Variants in TRAM1 observed in about 807,000 individuals in gnomAD.
The protein encoded by TRAM1 is translocation associated membrane protein 1.
In TRAM1, 17 loss-of-function variants were observed where a neutral mutation model predicts 48.7. The ratio of observed to expected loss-of-function variants is 0.35; its 90% confidence interval spans 0.24 to 0.52. The LOEUF (loss-of-function observed/expected upper bound fraction) is 0.52. Among genes scored for constraint, TRAM1 ranks in the 20% least tolerant of loss-of-function variants. The pLI, the probability that TRAM1 is intolerant of heterozygous loss-of-function variation, is 0.94. For synonymous variants in TRAM1, 182 were observed against 154.0 expected (o/e 1.18, Z -1.34); for missense variants, 351 against 441.5 (o/e 0.79, Z 1.84).
At chr8:70,583,603 A>G in intron 9 of TRAM1, 47 bp downstream of exon 9, 2 of 1,581,942 alleles carry the variant, frequency 1.3e-6, no homozygotes, top group Non-Finnish European at 1.7e-6. Context: ...CTGATAATAT[A>G]TATTATCTAG....
At chr8:70,584,769 G>T (rs1237976888) in intron 8 of TRAM1, among the ~76,000 whole-genome samples, 2 of 151,978 alleles carry the variant, frequency 1.3e-5, no homozygotes, top group Non-Finnish European at 2.9e-5. Flanking sequence ...ACTGCTCAAT[G>T]AAATAAAAGA....
At chr8:70,598,283 C>T (rs1817534185) in intron 2 of TRAM1, 28 bp from the exon 3 acceptor site, 1 of 1,579,268 alleles carries the variant, frequency 6.3e-7, no homozygotes, top group Non-Finnish European at 8.6e-7. Context: ...CACAAATACA[C>T]AAAAATATAC....
intron 6 of TRAM1, among the ~76,000 whole-genome samples, 194 bp downstream of exon 6, chr8:70,594,312 T>G (rs1353765452): frequency 6.7e-6 from 1 of 148,568 alleles, no homozygotes; most frequent in Non-Finnish European, 1.5e-5. Context: ...AAGGTTTTTT[T>G]TTTTTTTTTT....
intron 1 of TRAM1, among the ~76,000 whole-genome samples, chr8:70,601,881 C>G (rs961477612): frequency 2.6e-5 from 4 of 152,150 alleles, no homozygotes; most frequent in African/African-American, 9.7e-5. Flanking sequence ...TAGGGAGAAC[C>G]TAGCTTAAAT....
chr8:70,583,890 G>A (rs1386109629), intron 8 of TRAM1, 97 bp from the exon 9 acceptor site: 6 of 1,366,526 alleles, frequency 4.4e-6, no homozygotes, highest in Non-Finnish European at 5.8e-6. Flanking sequence ...GCAGACGCCT[G>A]TAATCCCAGC....
intron 10 of TRAM1, among the ~76,000 whole-genome samples, chr8:70,577,116 C>T (rs1816972457): frequency 6.6e-6 from 1 of 152,152 alleles, no homozygotes. Flanking sequence ...TCCAAAGTTC[C>T]CAAGGCAGCT....
rs1817802426 is a variant in TRAM1, at chr8:70,608,341, C to G, written c.-142G>C. 1 of 1,117,672 alleles carries G rather than the reference C, an allele frequency of 8.9e-7. No homozygotes were observed. The highest frequency in any genetic ancestry group is 1.2e-6 in the Non-Finnish European group (1 of 833,726). 69.2% of individuals were successfully genotyped at this position (1,117,672 alleles called of 1,614,324 possible). A position where few individuals can be genotyped will look rare whatever the true frequency, so the allele number is the denominator to read the frequency against. ...CGCTGGGGCTTCACTTCCCATCCCA[C>G]AGCCAGTACGCAGCCGCCGGGCCGC... On this transcript the variant is annotated 5_prime_UTR_variant, in exon 1 of 11. Transcript: ENST00000262213.
chr8:70,605,166 C>A (rs268599), intron 1 of TRAM1, among the ~76,000 whole-genome samples: 100,776 of 152,062 alleles, frequency 0.66, 34,886 homozygotes, highest in Middle Eastern at 0.76. Flanking sequence ...CTTTCTATTT[C>A]CCAATTTTGG....
intron 6 of TRAM1, among the ~76,000 whole-genome samples, chr8:70,588,834 T>G (rs763820421): frequency 9.2e-5 from 14 of 152,236 alleles, no homozygotes; most frequent in Non-Finnish European, 1.6e-4. Context: ...TTTCTTCGTA[T>G]GTATATTTAC....
At position 70,574,697 on chromosome 8, in the gene TRAM1, T is replaced by C; in HGVS notation, c.*235A>G. 2.8e-6 allele frequency: 1 copy of C among 363,240 alleles called. No homozygotes were observed. The highest frequency in any genetic ancestry group is 4.9e-6 in the Non-Finnish European group (1 of 204,856). The allele number at this position is 363,240 out of a possible 1,614,324, so 22.5% of individuals were successfully genotyped here. A position where few individuals can be genotyped will look rare whatever the true frequency, so the allele number is the denominator to read the frequency against. Reference sequence around the variant, plus strand: ...AAAATAAAAACAAAATAAAATATGGTGGTGGTCCCTAAACTATTTTGAAGG... The same window carrying C: ...AAAATAAAAACAAAATAAAATATGGCGGTGGTCCCTAAACTATTTTGAAGG... On this transcript the variant is annotated 3_prime_UTR_variant, in exon 11 of 11. Coordinates refer to ENST00000262213, the MANE Select transcript of TRAM1 (RefSeq NM_014294.6).
At chr8:70,585,610 A>C (rs1025973276) in intron 8 of TRAM1, among the ~76,000 whole-genome samples, 5 of 132,742 alleles carry the variant, frequency 3.8e-5, no homozygotes, top group African/African-American at 1.3e-4. Flanking sequence ...AAGTGGGCAA[A>C]GGATATGAAC....
At chr8:70,579,286 G>A (rs151275182) in intron 10 of TRAM1, among the ~76,000 whole-genome samples, 1 of 152,312 alleles carries the variant, frequency 6.6e-6, no homozygotes, top group African/African-American at 2.4e-5. Flanking sequence ...TTAGGCAACT[G>A]TAATACAGTG....
intron 10 of TRAM1, among the ~76,000 whole-genome samples, chr8:70,575,863 G>A (rs1204522091): frequency 2.0e-5 from 3 of 151,874 alleles, no homozygotes; most frequent in African/African-American, 7.3e-5. Flanking sequence ...GATCACCTGA[G>A]GCCAGGAGTT....
chr8:70,583,939 G>A (rs1200512150), intron 8 of TRAM1, 146 bp from the exon 9 acceptor site: 1 of 862,380 alleles, frequency 1.2e-6, no homozygotes. Context: ...CTTGAAACCA[G>A]AAGGTGGAGG....
At chr8:70,579,791 A>G (rs930041585) in intron 10 of TRAM1, among the ~76,000 whole-genome samples, 1 of 152,210 alleles carries the variant, frequency 6.6e-6, no homozygotes, top group African/African-American at 2.4e-5. Context: ...GAGGAACAAG[A>G]GTATTCATTT....
intron 5 of TRAM1, among the ~76,000 whole-genome samples, chr8:70,595,178 A>G (rs1396979013): frequency 6.6e-6 from 1 of 152,096 alleles, no homozygotes; most frequent in Non-Finnish European, 1.5e-5. Flanking sequence ...CTATATCATA[A>G]TCAGTCTAGA....
chr8:70,604,640 G>T (rs1237817810), intron 1 of TRAM1, among the ~76,000 whole-genome samples: 1 of 147,916 alleles, frequency 6.8e-6, no homozygotes, highest in Non-Finnish European at 1.5e-5. Flanking sequence ...GTCATAAAAA[G>T]AAAGAAAAAA....
At chr8:70,598,366 C>A (rs1314101717) in intron 2 of TRAM1, 111 bp from the exon 3 acceptor site, 2 of 1,055,786 alleles carry the variant, frequency 1.9e-6, no homozygotes, top group Non-Finnish European at 2.6e-6. Flanking sequence ...TAAAAAAGTT[C>A]TATATTAACA....
At chr8:70,588,698 A>G (rs1050193366) in intron 6 of TRAM1, among the ~76,000 whole-genome samples, 4 of 152,240 alleles carry the variant, frequency 2.6e-5, no homozygotes, top group Admixed American at 6.5e-5. Flanking sequence ...TATGATGTAA[A>G]AAGTTTTTCA....
Sources: gnomAD v4.1 joint callset for allele counts (sites outside exome capture counted in the v4.1 genomes callset) on GRCh38, gnomAD v4.1.1 for gene constraint, MANE v1.5 for transcripts, NCBI Gene and HGNC (gene_info 2026-07-23, HGNC 2026-07-21) for gene names.